MCTP1: variants seen among roughly 807,000 people sequenced by gnomAD.
MCTP1 encodes multiple C2 and transmembrane domain-containing protein 1.
A neutral mutation model predicts 120.6 loss-of-function variants in MCTP1; 69 were observed. The ratio of observed to expected loss-of-function variants is 0.57; its 90% CI spans 0.47 to 0.70. The LOEUF (loss-of-function observed/expected upper bound fraction) is 0.70. MCTP1 is among the 30% of genes least tolerant of loss of function. MCTP1 has a pLI of 0.00. For synonymous variants in MCTP1, 529 were observed against 493.1 expected (o/e 1.07, Z -0.96); for missense variants, 1,203 against 1,248.8 (o/e 0.96, Z 0.55).
chr5:95,078,051 C>CATCCATCCATCCATCT (rs1331931190), intron 1 of MCTP1, among the ~76,000 whole-genome samples: 84 of 76,656 alleles, frequency 1.1e-3, no homozygotes, highest in African/African-American at 3.0e-3. Flanking sequence ...TCCATCCATC[C>CATCCATCCATCCATCT]ATCCATCCAT....
At chr5:94,824,705 C>G (rs761279216) in intron 17 of MCTP1, among the ~76,000 whole-genome samples, 2 of 152,160 alleles carry the variant, frequency 1.3e-5, no homozygotes, top group Admixed American at 6.5e-5. Context: ...ATTACTGCCT[C>G]AGTTTCAGAA....
intron 17 of MCTP1, among the ~76,000 whole-genome samples, chr5:94,835,586 T>C (rs1478091373): frequency 6.6e-6 from 1 of 152,208 alleles, no homozygotes; most frequent in African/African-American, 2.4e-5. Flanking sequence ...TGATTCATAA[T>C]ACGTACTCAC....
intron 19 of MCTP1, among the ~76,000 whole-genome samples, chr5:94,764,275 G>T (rs1214771654): frequency 6.6e-6 from 1 of 152,158 alleles, no homozygotes; most frequent in African/African-American, 2.4e-5. Context: ...AAGGTAAAAA[G>T]GCAGGTGACA....
intron 17 of MCTP1, among the ~76,000 whole-genome samples, chr5:94,854,234 C>T (rs187234405): frequency 5.3e-5 from 8 of 151,902 alleles, no homozygotes; most frequent in Admixed American, 5.3e-4. Context: ...TACGCCAAAA[C>T]ACAGTAAGAA....
intron 1 of MCTP1, among the ~76,000 whole-genome samples, chr5:95,267,831 T>C (rs1936053650): frequency 6.6e-6 from 1 of 152,166 alleles, no homozygotes; most frequent in Non-Finnish European, 1.5e-5. Context: ...CCCAGACCCA[T>C]CTCCCCCAAC....
intron 1 of MCTP1, among the ~76,000 whole-genome samples, chr5:95,145,605 G>T (rs1290296243): frequency 6.6e-6 from 1 of 151,934 alleles, no homozygotes; most frequent in Non-Finnish European, 1.5e-5. Flanking sequence ...GAACATGAAG[G>T]GATATCAGAT....
intron 1 of MCTP1, among the ~76,000 whole-genome samples, chr5:95,203,015 C>T (rs972217437): frequency 2.6e-5 from 4 of 152,198 alleles, no homozygotes. Context: ...AGGCATGAGC[C>T]ACCACTCCCA....
intron 8 of MCTP1, among the ~76,000 whole-genome samples, chr5:94,917,096 T>C (rs1381371713): frequency 2.0e-5 from 3 of 152,240 alleles, no homozygotes; most frequent in Non-Finnish European, 2.9e-5. Flanking sequence ...TGAAAAGCTG[T>C]GCTTCTTTTC....
At chr5:95,143,653 G>T (rs182897836) in intron 1 of MCTP1, among the ~76,000 whole-genome samples, 1 of 152,138 alleles carries the variant, frequency 6.6e-6, no homozygotes, top group East Asian at 1.9e-4. Context: ...GAGTACATGC[G>T]GCATTTGGTT....
intron 1 of MCTP1, among the ~76,000 whole-genome samples, chr5:95,170,215 G>C (rs1266955556): frequency 1.3e-5 from 2 of 152,210 alleles, no homozygotes; most frequent in African/African-American, 4.8e-5. Flanking sequence ...ATGTAGTTGA[G>C]TGGTTTTCAG....
chr5:95,207,325 T>C (rs1262403760), intron 1 of MCTP1, among the ~76,000 whole-genome samples: 1 of 152,170 alleles, frequency 6.6e-6, no homozygotes, highest in Non-Finnish European at 1.5e-5. Flanking sequence ...CATGAGTGTT[T>C]GATAACCTGC....
chr5:94,795,574 A>C (rs1433813181), intron 18 of MCTP1, among the ~76,000 whole-genome samples: 3 of 152,348 alleles, frequency 2.0e-5, no homozygotes, highest in Non-Finnish European at 4.4e-5. Flanking sequence ...CAACAGAAGG[A>C]TGACATTCCT....
chr5:95,031,534 A>T (rs1276003656), intron 1 of MCTP1, among the ~76,000 whole-genome samples: 2 of 152,170 alleles, frequency 1.3e-5, no homozygotes, highest in African/African-American at 4.8e-5. Flanking sequence ...CCTCCTAAAA[A>T]AATTAAGTTT....
chr5:94,842,425 T>C (rs1320216234), intron 17 of MCTP1, among the ~76,000 whole-genome samples: 1 of 152,208 alleles, frequency 6.6e-6, no homozygotes, highest in Non-Finnish European at 1.5e-5. Flanking sequence ...AAGCTCTTCT[T>C]TAAATGCTAA....
chr5:95,226,853 T>C (rs1037908335), intron 1 of MCTP1, among the ~76,000 whole-genome samples: 4 of 152,092 alleles, frequency 2.6e-5, no homozygotes, highest in African/African-American at 9.7e-5. Flanking sequence ...ACTTTCCACA[T>C]GAGGTCAAGA....
chr5:94,988,738 C>T (rs374081995), intron 2 of MCTP1, among the ~76,000 whole-genome samples: 2 of 152,020 alleles, frequency 1.3e-5, no homozygotes, highest in East Asian at 1.9e-4. Flanking sequence ...AAGACATACC[C>T]GAGACTGGGG....
intron 1 of MCTP1, among the ~76,000 whole-genome samples, chr5:95,134,372 A>G (rs752586902): frequency 1.3e-5 from 2 of 152,248 alleles, no homozygotes; most frequent in Non-Finnish European, 2.9e-5. Context: ...ATGGCATACA[A>G]TGTATCAGTA....
chr5:94,850,785 T>C (rs1793528679), intron 17 of MCTP1, among the ~76,000 whole-genome samples: 1 of 152,112 alleles, frequency 6.6e-6, no homozygotes, highest in African/African-American at 2.4e-5. Flanking sequence ...ATTCTCCATA[T>C]AAATTCTACA....
chr5:94,995,553 C>T (rs760065808), intron 2 of MCTP1, among the ~76,000 whole-genome samples: 1 of 152,136 alleles, frequency 6.6e-6, no homozygotes, highest in Non-Finnish European at 1.5e-5. Context: ...GAAGACATAG[C>T]TGTAATTCTA....
Sources: gnomAD v4.1 joint callset for allele counts (sites outside exome capture counted in the v4.1 genomes callset) on GRCh38, gnomAD v4.1.1 for gene constraint, MANE v1.5 for transcripts, NCBI Gene and HGNC (gene_info 2026-07-23, HGNC 2026-07-21) for gene names.